FAM227B: variants seen among roughly 807,000 people sequenced by gnomAD.
The protein encoded by FAM227B is family with sequence similarity 227 member B.
Under a neutral mutation model 73.8 loss-of-function variants are expected in FAM227B, and 88 were observed. That is an observed-to-expected ratio of 1.19 (90% CI 1.00 to 1.42). FAM227B has a LOEUF of 1.42. Among genes scored for constraint, FAM227B ranks in the 40% most tolerant of loss-of-function variants. The probability of loss-of-function intolerance (pLI) is 0.00; values close to 1 mark genes in which losing one functional copy is unlikely to be tolerated. For missense variants in FAM227B, 632 were observed against 590.9 expected (o/e 1.07, Z -0.72); for synonymous variants, 210 against 190.5 (o/e 1.10, Z -0.84).
At chr15:49,380,562 T>C (rs2046459706) in intron 11 of FAM227B, among the ~76,000 whole-genome samples, 1 of 152,220 alleles carries the variant, frequency 6.6e-6, no homozygotes, top group African/African-American at 2.4e-5. Context: ...AGAAATCATC[T>C]TGAAATAAAA....
chr15:49,374,585 C>T (rs998003421), intron 11 of FAM227B, among the ~76,000 whole-genome samples: 7 of 152,212 alleles, frequency 4.6e-5, no homozygotes, highest in Admixed American at 4.6e-4. Flanking sequence ...GACTGAGTCT[C>T]GCTCTGTTGC....
intron 11 of FAM227B, among the ~76,000 whole-genome samples, chr15:49,413,058 A>T (rs1229382379): frequency 6.6e-6 from 1 of 152,086 alleles, no homozygotes; most frequent in East Asian, 1.9e-4. Flanking sequence ...AATATTGGAC[A>T]TCTGGAATTT....
At chr15:49,540,054 G>A (rs2070839397) in intron 10 of FAM227B, among the ~76,000 whole-genome samples, 1 of 152,120 alleles carries the variant, frequency 6.6e-6, no homozygotes, top group African/African-American at 2.4e-5. Flanking sequence ...TTCTTATTGA[G>A]GATGGAGCAC....
chr15:49,565,971 C>A (rs1289215661), intron 9 of FAM227B, among the ~76,000 whole-genome samples: 1 of 152,128 alleles, frequency 6.6e-6, no homozygotes, highest in African/African-American at 2.4e-5. Context: ...CTCCTCTGGG[C>A]CCTCCTAAAG....
intron 11 of FAM227B, among the ~76,000 whole-genome samples, chr15:49,483,667 T>C (rs2056151929): frequency 6.6e-6 from 1 of 152,068 alleles, no homozygotes. Flanking sequence ...TCAACATCAA[T>C]CTCACAATCA....
chr15:49,560,577 CAG>C (rs1288735439), intron 9 of FAM227B, among the ~76,000 whole-genome samples: 1 of 152,124 alleles, frequency 6.6e-6, no homozygotes, highest in East Asian at 1.9e-4. Flanking sequence ...ATATAGTCAA[CAG>C]AGTGTCTAAG....
At chr15:49,383,373 A>AT (rs1217932203) in intron 11 of FAM227B, among the ~76,000 whole-genome samples, 6 of 152,070 alleles carry the variant, frequency 3.9e-5, no homozygotes, top group Non-Finnish European at 8.8e-5. Context: ...CTGTGTCAGC[A>AT]TTTTTTAGCA....
intron 13 of FAM227B, among the ~76,000 whole-genome samples, chr15:49,366,875 C>A (rs2045308798): frequency 2.0e-5 from 3 of 152,290 alleles, no homozygotes; most frequent in African/African-American, 7.2e-5. Context: ...TGGGATTCAT[C>A]TGAGTCCTTA....
intron 9 of FAM227B, among the ~76,000 whole-genome samples, chr15:49,565,471 T>C (rs2074583736): frequency 6.6e-6 from 1 of 151,774 alleles, no homozygotes. Context: ...ATTAAATTCC[T>C]CTCAGGGAGT....
chr15:49,430,400 C>G (rs1309632302), intron 11 of FAM227B, among the ~76,000 whole-genome samples: 1 of 151,774 alleles, frequency 6.6e-6, no homozygotes, highest in Non-Finnish European at 1.5e-5. Context: ...AGGATCTCAC[C>G]TCTCATGGCC....
intron 10 of FAM227B, among the ~76,000 whole-genome samples, chr15:49,533,299 T>C (rs1173093354): frequency 6.6e-6 from 1 of 152,018 alleles, no homozygotes; most frequent in East Asian, 1.9e-4. Flanking sequence ...CAACATATGA[T>C]CTATCCTGGA....
intron 10 of FAM227B, among the ~76,000 whole-genome samples, chr15:49,523,274 G>A (rs990937042): frequency 6.6e-6 from 1 of 152,180 alleles, no homozygotes; most frequent in Non-Finnish European, 1.5e-5. Flanking sequence ...TTGCAGGAGG[G>A]TTGCAGTGGG....
intron 12 of FAM227B, among the ~76,000 whole-genome samples, chr15:49,369,510 A>G (rs1264981563): frequency 6.6e-6 from 1 of 152,224 alleles, no homozygotes; most frequent in East Asian, 1.9e-4. Flanking sequence ...TGAAATAGAA[A>G]GTCCAAGGGG....
chr15:49,609,464 T>C (rs898096549), intron 3 of FAM227B, among the ~76,000 whole-genome samples: 2 of 151,942 alleles, frequency 1.3e-5, no homozygotes, highest in African/African-American at 4.8e-5. Context: ...AGCTAACATG[T>C]AGGTTGCAAG....
chr15:49,553,967 T>C (rs1262113341), intron 9 of FAM227B, among the ~76,000 whole-genome samples: 1 of 152,184 alleles, frequency 6.6e-6, no homozygotes, highest in East Asian at 1.9e-4. Flanking sequence ...TACTTGGGTA[T>C]TGCTGCTAGT....
chr15:49,586,397 A>T (rs1450945823), intron 5 of FAM227B, among the ~76,000 whole-genome samples: 1 of 152,220 alleles, frequency 6.6e-6, no homozygotes, highest in African/African-American at 2.4e-5. Context: ...CTCAAGATAG[A>T]TTAAAGACCA....
intron 11 of FAM227B, among the ~76,000 whole-genome samples, chr15:49,456,798 A>C (rs963498689): frequency 6.6e-6 from 1 of 152,142 alleles, no homozygotes; most frequent in African/African-American, 2.4e-5. Context: ...AGTCACAAAT[A>C]AACAAAAGAT....
In FAM227B at chr15:49,489,856, TATTTTATATATATATATATATATATATAG is replaced by T. The variant is rs2056856703; in HGVS notation, c.1012+18326_1012+18354del. ...TATATATATTTTATATATATATATA[TATTTTATATATATATATATATATATATAG>T]AGAGAGAGAGAGAGAGAGAGAGAGA... On this transcript the variant is annotated intron_variant, in intron 11 of 15. Coordinates refer to ENST00000299338, the MANE Select transcript of FAM227B (RefSeq NM_152647.3). 2.1e-4 allele frequency among the ~76,000 whole-genome samples: 2 copies of T among 9,550 alleles called. 1 individual carries two copies. Among genetic ancestry groups the T allele is most frequent in the Non-Finnish European group, 6.1e-4 (2 of 3,282 alleles). 6.3% of individuals were successfully genotyped at this position (9,550 alleles called of 152,430 possible).
intron 10 of FAM227B, among the ~76,000 whole-genome samples, chr15:49,527,565 T>G (rs1211442779): frequency 6.6e-6 from 1 of 151,824 alleles, no homozygotes; most frequent in Admixed American, 6.6e-5. Context: ...AAAGGTCAAA[T>G]TATTTGTTTG....
Sources: allele counts gnomAD v4.1 joint callset (sites outside exome capture counted in the v4.1 genomes callset), GRCh38; gene constraint gnomAD v4.1.1; transcripts MANE v1.5; gene names NCBI Gene and HGNC (gene_info 2026-07-23, HGNC 2026-07-21).